Variants in ME3 observed in about 807,000 individuals in gnomAD.
ME3 encodes NADP-dependent malic enzyme, mitochondrial.
ME3 carries 48 observed loss-of-function variants against 68.9 expected under a neutral mutation model. That is an observed-to-expected ratio of 0.70 (90% confidence interval 0.55 to 0.89). ME3 has a LOEUF of 0.89. Ranked by LOEUF, ME3 falls within the 40% of genes least tolerant of loss-of-function variation. ME3 has a pLI of 0.00. For synonymous variants in ME3, 320 were observed against 318.8 expected (o/e 1.00, Z -0.04); for missense variants, 675 against 797.4 (o/e 0.85, Z 1.85).
At chr11:86,556,729 T>C (rs760908721) in intron 3 of ME3, 27 bp from the exon 4 acceptor site, 4 of 1,611,152 alleles carry the variant, frequency 2.5e-6, no homozygotes, top group Non-Finnish European at 3.4e-6. Context: ...AAAAGCAAGC[T>C]GACATGTGGT....
chr11:86,648,895 G>A (rs1260752059), intron 2 of ME3, among the ~76,000 whole-genome samples: 1 of 152,176 alleles, frequency 6.6e-6, no homozygotes, highest in Admixed American at 6.5e-5. Context: ...GAGGTACAAA[G>A]AGGAGCTGGT....
At chr11:86,487,396 G>A (rs556234933) in exon 7 of ME3, 36 of 1,614,000 alleles carry the variant, frequency 2.2e-5, no homozygotes, top group East Asian at 1.1e-4. Flanking sequence ...TCCCGTGCAC[G>A]CGCTGGTGTT....
chr11:86,642,231 TG>T (rs1944713950), intron 2 of ME3, among the ~76,000 whole-genome samples: 1 of 152,254 alleles, frequency 6.6e-6, no homozygotes. Context: ...CCATTTTTAA[TG>T]TAGGAAATTA....
In ME3 at chr11:86,483,172, C is replaced by T. The variant is rs191483543; in HGVS notation, c.809+4165G>A. ...GAGACATCTAGTCATTTTGACAGTA[C>T]GTATATTTGAACAGAAACCTTTAGG... On this transcript the variant is annotated intron_variant, in intron 7 of 14. Coordinates refer to ENST00000543262, the Ensembl canonical transcript of ME3. Among the ~76,000 whole-genome samples the T allele has an allele frequency of 5.3e-5, 8 of 152,172 alleles. No individual in the cohort carries two copies. The South Asian group carries it at 8.3e-4, about 16-fold the overall frequency.
chr11:86,487,493 T>C lies in ME3; in HGVS notation c.706-53A>G, dbSNP rs1169942624. 7 of 1,467,616 alleles carry C rather than the reference T, an allele frequency of 4.8e-6. No homozygotes were observed. In the Admixed American group the frequency reaches 7.2e-5, roughly 15 times the overall value. The allele number at this position is 1,467,616 out of a possible 1,614,324, so 90.9% of individuals were successfully genotyped here. On this transcript the variant is annotated intron_variant, in intron 6 of 14. Coordinates refer to ENST00000543262, the Ensembl canonical transcript of ME3. ...GCCTACTCCCGGTGTTCCTGTTTTT[T>C]TTTTTTCCAACAAGTATCCAGGATT... is the stretch of plus-strand genomic sequence containing the variant.
At chr11:86,508,819 C>A (rs769599382) in exon 5 of ME3, 2 of 1,613,374 alleles carry the variant, frequency 1.2e-6, no homozygotes, top group Non-Finnish European at 1.7e-6. Flanking sequence ...GCCAAGAATT[C>A]AGCATTGTTG....
chr11:86,497,572 A>G (rs610842), intron 6 of ME3, among the ~76,000 whole-genome samples: 131,465 of 152,144 alleles, frequency 0.86, 57,066 homozygotes, highest in Non-Finnish European at 0.91. Flanking sequence ...AATTCCAGTC[A>G]TTCCACTGGG....
At chr11:86,582,920 A>G (rs1958525002) in intron 2 of ME3, among the ~76,000 whole-genome samples, 1 of 152,098 alleles carries the variant, frequency 6.6e-6, no homozygotes, top group Non-Finnish European at 1.5e-5. Context: ...AAAAAAAAAA[A>G]AAGAAGACAG....
At chr11:86,469,479 C>T (rs192913339) in intron 7 of ME3, among the ~76,000 whole-genome samples, 5 of 152,232 alleles carry the variant, frequency 3.3e-5, no homozygotes, top group Non-Finnish European at 5.9e-5. Flanking sequence ...CCCAAGAAGC[C>T]GTGCTCTCAG....
intron 4 of ME3, among the ~76,000 whole-genome samples, chr11:86,555,799 A>G (rs775094965): frequency 2.0e-5 from 3 of 152,250 alleles, no homozygotes; most frequent in African/African-American, 4.8e-5. Context: ...AATTCTACAT[A>G]AATGTAAATT....
At chr11:86,455,993 TG>T (rs1949897623) in intron 8 of ME3, among the ~76,000 whole-genome samples, 1 of 152,242 alleles carries the variant, frequency 6.6e-6, no homozygotes. Context: ...ACTTATTATG[TG>T]GCACTCCCTA....
intron 2 of ME3, 66 bp downstream of exon 2, chr11:86,671,696 G>A (rs1273723505): frequency 6.4e-7 from 1 of 1,573,872 alleles, no homozygotes; most frequent in Non-Finnish European, 8.6e-7. Context: ...GGTCCAGGGG[G>A]CGGGGCGCAA....
intron 2 of ME3, among the ~76,000 whole-genome samples, chr11:86,630,880 G>A (rs1943971328): frequency 6.6e-6 from 1 of 152,248 alleles, no homozygotes; most frequent in African/African-American, 2.4e-5. Context: ...GGGAGCCACA[G>A]CTAATCAGGA....
intron 6 of ME3, among the ~76,000 whole-genome samples, chr11:86,488,407 T>G (rs1951816414): frequency 1.3e-5 from 2 of 151,846 alleles, no homozygotes; most frequent in Non-Finnish European, 2.9e-5. Context: ...CTTCTCTCCC[T>G]CCCTCCTTGA....
At chr11:86,493,185 T>G (rs1952104549) in intron 6 of ME3, among the ~76,000 whole-genome samples, 1 of 152,220 alleles carries the variant, frequency 6.6e-6, no homozygotes, top group Non-Finnish European at 1.5e-5. Flanking sequence ...CCATGCTTCC[T>G]TGGCGATCCA....
intron 2 of ME3, chr11:86,667,857 G>A (rs1408099974): frequency 6.6e-6 from 1 of 152,164 alleles, no homozygotes; most frequent in Non-Finnish European, 1.5e-5. Flanking sequence ...CCTGTGAAGT[G>A]GGGCTGATAG....
At chr11:86,565,571 G>A (rs1341083049) in intron 2 of ME3, among the ~76,000 whole-genome samples, 1 of 152,202 alleles carries the variant, frequency 6.6e-6, no homozygotes, top group Non-Finnish European at 1.5e-5. Context: ...TCTGCTCTGT[G>A]CTACTTCATG....
chr11:86,608,157 G>T (rs955534587), intron 2 of ME3, among the ~76,000 whole-genome samples: 1 of 152,148 alleles, frequency 6.6e-6, no homozygotes, highest in African/African-American at 2.4e-5. Context: ...GAGAGACAGG[G>T]AAGGTTCCAA....
intron 2 of ME3, among the ~76,000 whole-genome samples, chr11:86,651,267 T>C (rs898858934): frequency 1.3e-5 from 2 of 152,198 alleles, no homozygotes; most frequent in Admixed American, 6.5e-5. Flanking sequence ...AGCACGCAGC[T>C]TGAGATCTGA....
Sources: allele counts gnomAD v4.1 joint callset (sites outside exome capture counted in the v4.1 genomes callset), GRCh38; gene constraint gnomAD v4.1.1; transcripts MANE v1.5; gene names NCBI Gene and HGNC (gene_info 2026-07-23, HGNC 2026-07-21).